SEM1: variants seen among roughly 807,000 people sequenced by gnomAD.
The protein encoded by SEM1 is 26S proteasome complex subunit SEM1.
In SEM1, 3 loss-of-function variants were observed where a neutral mutation model predicts 12.7. That is an observed-to-expected ratio of 0.24 (90% CI 0.11 to 0.61). The LOEUF is 0.61. Ranked by LOEUF, SEM1 falls within the 20% of genes least tolerant of loss-of-function variation. The pLI is 0.88. For missense variants in SEM1, 59 were observed against 81.3 expected, an observed-to-expected ratio of 0.73 and a Z score of 1.06; for synonymous variants, 30 against 27.8, an observed-to-expected ratio of 1.08 and a Z score of -0.25.
At chr7:96,597,193 C>T (rs896827728) in intron 2 of SEM1, among the ~76,000 whole-genome samples, 9 of 152,066 alleles carry the variant, frequency 5.9e-5, no homozygotes, top group East Asian at 1.9e-4. Context: ...TCTCTGCTTA[C>T]GAAAAGATAT....
At chr7:96,662,005 A>C (rs1435632456) in intron 2 of SEM1, among the ~76,000 whole-genome samples, 1 of 148,656 alleles carries the variant, frequency 6.7e-6, no homozygotes, top group East Asian at 2.0e-4. Context: ...AAAAAAAAAA[A>C]AAAAAGTCAG....
chr7:96,563,376 A>C (rs1805749725), intron 2 of SEM1, among the ~76,000 whole-genome samples: 1 of 152,092 alleles, frequency 6.6e-6, no homozygotes, highest in South Asian at 2.1e-4. Flanking sequence ...GAAAATATAA[A>C]ATAGTAACCT....
At chr7:96,562,140 A>G (rs1041124494) in intron 2 of SEM1, among the ~76,000 whole-genome samples, 1 of 152,218 alleles carries the variant, frequency 6.6e-6, no homozygotes, top group Non-Finnish European at 1.5e-5. Context: ...AGAGAGTTAA[A>G]TGGAAAGCCA....
downstream of SEM1, among the ~76,000 whole-genome samples, chr7:96,686,877 G>A (rs1374315640): frequency 6.6e-6 from 1 of 152,086 alleles, no homozygotes; most frequent in Non-Finnish European, 1.5e-5. Context: ...GAAAATTTTT[G>A]CAACCTACTC....
intron 1 of SEM1, among the ~76,000 whole-genome samples, chr7:96,708,921 A>C (rs545586808): frequency 2.0e-5 from 3 of 151,300 alleles, no homozygotes; most frequent in Non-Finnish European, 3.0e-5. Flanking sequence ...CAATGAAAAA[A>C]CCAGGTCTTT....
intron 1 of SEM1, among the ~76,000 whole-genome samples, chr7:96,698,853 A>G (rs1021355278): frequency 4.6e-5 from 7 of 152,168 alleles, no homozygotes; most frequent in Non-Finnish European, 1.0e-4. Context: ...TGTCTTCCAC[A>G]ATGGTTGAAC....
chr7:96,687,826 A>G (rs180904113), downstream of SEM1: 2 of 152,190 alleles, frequency 1.3e-5, no homozygotes, highest in Admixed American at 6.6e-5. Context: ...TTATCCATTC[A>G]AAACTTTTAT....
At chr7:96,537,356 T>A (rs769803520) in intron 2 of SEM1, among the ~76,000 whole-genome samples, 18 of 151,778 alleles carry the variant, frequency 1.2e-4, no homozygotes, top group Non-Finnish European at 2.5e-4. Context: ...TATTTTTACT[T>A]TGACACTTCT....
chr7:96,639,443 C>T (rs896661723), intron 2 of SEM1, among the ~76,000 whole-genome samples: 1 of 151,852 alleles, frequency 6.6e-6, no homozygotes, highest in South Asian at 2.1e-4. Flanking sequence ...AATATATTCA[C>T]CTGATATTTG....
chr7:96,643,492 A>G (rs1808682107), intron 2 of SEM1, among the ~76,000 whole-genome samples: 1 of 152,096 alleles, frequency 6.6e-6, no homozygotes, highest in South Asian at 2.1e-4. Context: ...AATGCTATAA[A>G]GACACATGCA....
At position 96,508,840 on chromosome 7, in the gene SEM1, G is replaced by A. The variant is rs182752981; in HGVS notation, c.171-2142C>T. On this transcript the variant is annotated intron_variant and NMD_transcript_variant, in intron 2 of 3. Transcript: ENST00000466986. ...TGGAGAATCTTCAGGAAGCCACATG[G>A]AAAATCTGGGAAAATTTATTTTAAA... 6.7e-3 allele frequency among the ~76,000 whole-genome samples: 1,023 copies of A among 152,192 alleles called. 4 individuals carry two copies. Among genetic ancestry groups the A allele is most frequent in the Non-Finnish European group, 0.011 (715 of 67,992 alleles).
intron 2 of SEM1, among the ~76,000 whole-genome samples, chr7:96,602,588 C>T (rs1170675954): frequency 6.6e-6 from 1 of 152,168 alleles, no homozygotes; most frequent in Admixed American, 6.6e-5. Context: ...AATATTTCTA[C>T]CTCCCACTGA....
At chr7:96,677,715 T>C (rs1479381169) in intron 2 of SEM1, among the ~76,000 whole-genome samples, 3 of 151,912 alleles carry the variant, frequency 2.0e-5, no homozygotes, top group Admixed American at 6.6e-5. Context: ...CTTTTTAAGA[T>C]AGAAAGTCCT....
chr7:96,673,965 C>T, intron 2 of SEM1: 1 of 673,092 alleles, frequency 1.5e-6, no homozygotes, highest in Admixed American at 2.1e-5. Context: ...AAATGTACAC[C>T]CCTTATGCCC....
At chr7:96,565,259 T>A (rs6964260) in intron 2 of SEM1, among the ~76,000 whole-genome samples, 82,582 of 151,758 alleles carry the variant, frequency 0.54, 24,513 homozygotes, top group Non-Finnish European at 0.68. Flanking sequence ...CCAAATAGGC[T>A]AATTGTTTTG....
intron 2 of SEM1, among the ~76,000 whole-genome samples, chr7:96,668,377 A>T (rs1460999517): frequency 6.6e-6 from 1 of 152,212 alleles, no homozygotes; most frequent in Admixed American, 6.5e-5. Flanking sequence ...CAATTGAAAT[A>T]GAACAAATAC....
chr7:96,626,169 C>T (rs945705408), intron 2 of SEM1, among the ~76,000 whole-genome samples: 5 of 152,130 alleles, frequency 3.3e-5, no homozygotes, highest in Non-Finnish European at 5.9e-5. Flanking sequence ...CCCTTCCAAA[C>T]CCCCATTGAC....
At chr7:96,654,311 A>C (rs959782587) in intron 2 of SEM1, among the ~76,000 whole-genome samples, 1 of 152,184 alleles carries the variant, frequency 6.6e-6, no homozygotes, top group Non-Finnish European at 1.5e-5. Flanking sequence ...GGAGTTGTGA[A>C]GCTTCCCCAA....
At chr7:96,568,041 C>A (rs2115958782) in intron 2 of SEM1, among the ~76,000 whole-genome samples, 1 of 151,696 alleles carries the variant, frequency 6.6e-6, no homozygotes, top group South Asian at 2.1e-4. Flanking sequence ...TTTCTTCGAT[C>A]TCTGCTAGAA....
Sources: gnomAD v4.1 joint callset for allele counts (sites outside exome capture counted in the v4.1 genomes callset) on GRCh38, gnomAD v4.1.1 for gene constraint, MANE v1.5 for transcripts, NCBI Gene and HGNC (gene_info 2026-07-23, HGNC 2026-07-21) for gene names.